Variants in CFTR observed in about 807,000 individuals in gnomAD.
The protein encoded by CFTR is cystic fibrosis transmembrane conductance regulator.
Under a neutral mutation model 171.6 loss-of-function variants are expected in CFTR, and 181 were observed. That is an observed-to-expected ratio of 1.05 (90% CI 0.93 to 1.19). The LOEUF is 1.19. Ranked by LOEUF, CFTR falls within the 50% of genes most tolerant of loss-of-function variation. CFTR has a pLI of 0.00. For missense variants in CFTR, 1,968 were observed against 1,734.7 expected, an observed-to-expected ratio of 1.13 and a Z score of -2.39; for synonymous variants, 583 against 608.0, an observed-to-expected ratio of 0.96 and a Z score of 0.60.
At position 117,602,000 on chromosome 7, in the gene CFTR, AT is replaced by A. The variant is rs1281589024; in HGVS notation, c.2620-825del. On this transcript the variant is annotated intron_variant, in intron 15 of 26. Coordinates refer to ENST00000003084, the MANE Select transcript of CFTR (RefSeq NM_000492.4). Reference sequence around the variant, plus strand: ...ATATGTTTTAACCTGAATGTACCTTATCTTTATTCATAAACTGTGACTTTTT... The same window carrying A: ...ATATGTTTTAACCTGAATGTACCTTACTTTATTCATAAACTGTGACTTTTT... Among the ~76,000 whole-genome samples, 5 of 152,282 alleles carry A rather than the reference AT, an allele frequency of 3.3e-5. No homozygotes were observed. In the East Asian group the frequency reaches 9.6e-4, roughly 29 times the overall value.
Position 117,592,570 on chromosome 7 carries a change from C to T in CFTR, c.2403C>T (p.Asn801=), listed in dbSNP as rs752093682. The change falls in exon 14 of 27, where the codon AAC becomes AAT. Residue 801 remains asparagine (N), a synonymous_variant. Transcript: ENST00000003084. The part of the protein sequence containing the change: ...TRKVSLAPQA[N]LTELDIYSRR... ...AAGTGTCACTGGCCCCTCAGGCAAA[C>T]TTGACTGAACTGGATATATATTCAA... is the stretch of plus-strand genomic sequence containing the variant. The T allele has an allele frequency of 2.0e-6, 3 of 1,523,088 alleles. No homozygotes were observed. Among genetic ancestry groups the T allele is most frequent in the South Asian group, 1.3e-5 (1 of 74,084 alleles). The allele number at this position is 1,523,088 out of a possible 1,614,324, so 94.3% of individuals were successfully genotyped here.
chr7:117,613,574 A>G (rs1195936905), intron 20 of CFTR, among the ~76,000 whole-genome samples: 2 of 152,182 alleles, frequency 1.3e-5, no homozygotes, highest in Non-Finnish European at 2.9e-5. Flanking sequence ...AATACTAAAT[A>G]AATGTTATCT....
intron 21 of CFTR, among the ~76,000 whole-genome samples, chr7:117,617,012 G>A (rs763221048): frequency 3.3e-5 from 5 of 152,150 alleles, no homozygotes; most frequent in East Asian, 1.9e-4. Context: ...CAAATTTTAC[G>A]TTTATATGAT....
intron 11 of CFTR, among the ~76,000 whole-genome samples, chr7:117,565,485 G>A (rs1430814051): frequency 6.6e-6 from 1 of 152,034 alleles, no homozygotes. Flanking sequence ...TCACTGTTTT[G>A]TAAATGTACC....
intron 18 of CFTR, among the ~76,000 whole-genome samples, chr7:117,607,446 A>G (rs190303685): frequency 7.5e-4 from 114 of 152,280 alleles, no homozygotes; most frequent in African/African-American, 2.6e-3. Flanking sequence ...TTAGGTCTCC[A>G]TAAGTGACAG....
rs397508380 is a variant in CFTR, at chr7:117,592,637, AT to A, written c.2472del (p.Asn825ThrfsTer5). The A allele has an allele frequency of 1.3e-6, 2 of 1,542,914 alleles. No homozygotes were observed. Among genetic ancestry groups the A allele is most frequent in the Admixed American group, 2.2e-5 (1 of 45,536 alleles). On this transcript the variant is annotated frameshift_variant, in exon 14 of 27. Coordinates refer to ENST00000003084, the MANE Select transcript of CFTR (RefSeq NM_000492.4). LOFTEE classifies it high-confidence loss of function. ...AACTGGCTTGGAAATAAGTGAAGAA[AT>A]TAACGAAGAAGACTTAAAGGTAGGT... ...QETGLEISEE[I>X]NEEDLKECFF...
chr7:117,551,229 G>A (rs213946), intron 10 of CFTR, among the ~76,000 whole-genome samples: 84,633 of 152,116 alleles, frequency 0.56, 26,522 homozygotes, highest in African/African-American at 0.86. Flanking sequence ...CTATAATGGC[G>A]TGTTATTCAG....
chr7:117,567,851 A>T (rs543142770), intron 11 of CFTR, among the ~76,000 whole-genome samples: 1 of 152,202 alleles, frequency 6.6e-6, no homozygotes, highest in African/African-American at 2.4e-5. Context: ...GGTAAGTTAG[A>T]TGATATTGGT....
At chr7:117,481,246 T>G (rs1164004858) in intron 1 of CFTR, among the ~76,000 whole-genome samples, 1 of 152,210 alleles carries the variant, frequency 6.6e-6, no homozygotes, top group Non-Finnish European at 1.5e-5. Flanking sequence ...GACTTTACTC[T>G]TTGGAATTAT....
intron 9 of CFTR, among the ~76,000 whole-genome samples, chr7:117,546,159 A>G (rs894352126): frequency 5.9e-5 from 9 of 151,768 alleles, no homozygotes; most frequent in African/African-American, 2.2e-4. Context: ...GTGCCCAGCT[A>G]ATTTTTGTAT....
At chr7:117,537,124 T>A (rs1029624341) in intron 7 of CFTR, among the ~76,000 whole-genome samples, 2 of 152,204 alleles carry the variant, frequency 1.3e-5, no homozygotes, top group East Asian at 3.8e-4. Flanking sequence ...ATATGTTTGC[T>A]CTTCCTTAAC....
chr7:117,632,564 A>AAAAAAG (rs1272119234), intron 22 of CFTR, among the ~76,000 whole-genome samples: 1 of 151,588 alleles, frequency 6.6e-6, no homozygotes, highest in Non-Finnish European at 1.5e-5. Context: ...TCTCAAAAAA[A>AAAAAAG]AAAAAGAAAA....
intron 10 of CFTR, among the ~76,000 whole-genome samples, 168 bp from the exon 11 acceptor site, chr7:117,559,296 C>T (rs752629872): frequency 3.9e-5 from 6 of 152,108 alleles, no homozygotes; most frequent in Non-Finnish European, 7.4e-5. Context: ...ATCTTTTGTG[C>T]ATAGCAGAGT....
At chr7:117,605,445 C>T (rs1391706208) in intron 17 of CFTR, among the ~76,000 whole-genome samples, 1 of 151,904 alleles carries the variant, frequency 6.6e-6, no homozygotes, top group Non-Finnish European at 1.5e-5. Context: ...TGGCATGAAC[C>T]CACTGACCTC....
chr7:117,562,305 T>A (rs896543212), intron 11 of CFTR, among the ~76,000 whole-genome samples: 2 of 152,060 alleles, frequency 1.3e-5, no homozygotes, highest in Non-Finnish European at 2.9e-5. Context: ...TGGAGGTTGG[T>A]GTAATTAAGG....
At chr7:117,654,716 G>A (rs1380700180) in intron 24 of CFTR, among the ~76,000 whole-genome samples, 1 of 152,138 alleles carries the variant, frequency 6.6e-6, no homozygotes, top group Admixed American at 6.6e-5. Context: ...CCAGCCATGT[G>A]GAACTGTGAG....
intron 22 of CFTR, among the ~76,000 whole-genome samples, chr7:117,641,143 C>G (rs1308046634): frequency 6.6e-6 from 1 of 152,108 alleles, no homozygotes; most frequent in Non-Finnish European, 1.5e-5. Context: ...TTGTAGAGTT[C>G]TTACGATGGA....
chr7:117,614,646 C>A lies in CFTR; in HGVS notation c.3401C>A (p.Thr1134Asn), dbSNP rs1185498701. The change falls in exon 21 of 27, where the codon ACT becomes AAT. Residue 1134 changes from threonine to asparagine, a missense_variant. Transcript: ENST00000003084. ...GAAGGAAGAGTTGGTATTATCCTGA[C>A]TTTAGCCATGAATATCATGAGTACA... Reference protein sequence around the residue: ...EGEGRVGIILTLAMNIMSTLQ... With the variant: ...EGEGRVGIILNLAMNIMSTLQ... The A allele has an allele frequency of 1.9e-6, 3 of 1,611,998 alleles. No individual in the cohort carries two copies. The African/African-American group carries it at 4.0e-5, about 22-fold the overall frequency.
intron 9 of CFTR, among the ~76,000 whole-genome samples, chr7:117,545,258 A>G (rs1406063765): frequency 1.3e-5 from 2 of 152,172 alleles, no homozygotes; most frequent in African/African-American, 4.8e-5. Context: ...CTCCCCCATG[A>G]TTCAATTATC....
Sources: gnomAD v4.1 joint callset for allele counts (sites outside exome capture counted in the v4.1 genomes callset) on GRCh38, gnomAD v4.1.1 for gene constraint, MANE v1.5 for transcripts, NCBI Gene and HGNC (gene_info 2026-07-23, HGNC 2026-07-21) for gene names.